TTN: variants seen among roughly 807,000 people sequenced by gnomAD.
TTN encodes the protein connectin.
A neutral mutation model predicts 3,223.0 loss-of-function variants in TTN; 1,525 were observed. The ratio of observed to expected loss-of-function variants is 0.47; its 90% CI spans 0.45 to 0.49. The LOEUF is 0.49. Ranked by LOEUF, TTN falls within the 20% of genes least tolerant of loss-of-function variation. The pLI, the probability that TTN is intolerant of heterozygous loss-of-function variation, is 0.00. For missense variants in TTN, 40,786 were observed against 43,424.0 expected (o/e 0.94, Z 5.40); for synonymous variants, 14,094 against 15,161.0 (o/e 0.93, Z 5.17).
rs760977473 is a variant in TTN, at chr2:178,652,760, C to T, written c.38960-24G>A. 1.4e-5 allele frequency: 22 copies of T among 1,610,072 alleles called. No homozygotes were observed. In the Admixed American group the frequency reaches 2.9e-4, roughly 21 times the overall value. On this transcript the variant is annotated intron_variant, in intron 200 of 362. Coordinates refer to ENST00000589042, the MANE Select transcript of TTN (RefSeq NM_001267550.2). The stretch of plus-strand genomic sequence containing the variant: ...TACTTAAAAGATATTAGTGAAATTA[C>T]ATTTAGGGGTTATGAAGACCACTAG...
chr2:178,674,988 T>C, intron 150 of TTN, 51 bp downstream of exon 150: 1 of 1,143,650 alleles, frequency 8.7e-7, no homozygotes, highest in Non-Finnish European at 1.2e-6. Context: ...TATTAGACAA[T>C]AATAAGACAA....
At chr2:178,709,966 C>A in intron 98 of TTN, 110 bp from the exon 99 acceptor site, 3 of 1,016,096 alleles carry the variant, frequency 3.0e-6, no homozygotes, top group Non-Finnish European at 4.2e-6. Context: ...CAAGGCTAAC[C>A]AACTAAATAC....
Position 178,591,811 on chromosome 2 carries a change from C to T in TTN, c.60008G>A (p.Arg20003His), listed in dbSNP as rs756091180. 39 of 1,613,156 alleles carry T rather than the reference C, an allele frequency of 2.4e-5. No individual in the cohort carries two copies. The highest frequency in any genetic ancestry group is 4.0e-5 in the African/African-American group (3 of 74,888). Residue 20003 changes from arginine (R) to histidine (H), a missense_variant, in exon 303 of 363, where the codon CGT becomes CAT. Physicochemically the swap from Arg to His is conservative, Grantham distance 29. Transcript: ENST00000589042. ...EVSLVWNKPD[R>H]DGGSPITGYL... ...TCCAGTGATTGGAGAACCACCATCACGATCCGGCTTATTCCAGACTAGGGA... is the reference window on the plus strand; with the variant it reads ...TCCAGTGATTGGAGAACCACCATCATGATCCGGCTTATTCCAGACTAGGGA...
At position 178,733,245 on chromosome 2, in the gene TTN, C is replaced by T. The variant is rs2080869284; in HGVS notation, c.16048G>A (p.Val5350Ile). ...ATTTTCTAAAAATACTAACCTAATA[C>T]AGTGAATGTAGTCTCACAGGAGCTG... ...GSSSCETTFT[V>I]LDRDIAPFFT... is the part of the protein sequence containing the mutation. The change falls in exon 54 of 363, where the codon GTA becomes ATA. Residue 5350 changes from valine (V) to isoleucine (I), a missense_variant. Physicochemically the swap from Val to Ile is conservative, Grantham distance 29 (BLOSUM62 3). Transcript: ENST00000589042. 1.3e-6 allele frequency: 2 copies of T among 1,596,258 alleles called. No individual in the cohort carries two copies. Among genetic ancestry groups the T allele is most frequent in the Admixed American group, 1.7e-5 (1 of 58,818 alleles).
chr2:178,752,529 G>A (rs565832271), intron 47 of TTN, among the ~76,000 whole-genome samples: 26 of 151,956 alleles, frequency 1.7e-4, no homozygotes, highest in Non-Finnish European at 3.7e-4. Flanking sequence ...GCGTTTATTC[G>A]AACTAATACA....
intron 119 of TTN, among the ~76,000 whole-genome samples, chr2:178,693,376 C>G (rs1246192001): frequency 6.6e-6 from 1 of 152,022 alleles, no homozygotes; most frequent in Non-Finnish European, 1.5e-5. Context: ...TAACAGGTTA[C>G]GAGATTGCAA....
At position 178,756,812 on chromosome 2, in the gene TTN, G is replaced by C; in HGVS notation, c.10679-15C>G. 6.2e-7 allele frequency: 1 copy of C among 1,602,504 alleles called. No homozygotes were observed. Among genetic ancestry groups the C allele is most frequent in the South Asian group, 1.1e-5 (1 of 88,960 alleles). On this transcript the variant is annotated splice_polypyrimidine_tract_variant and intron_variant, in intron 45 of 362. Transcript: ENST00000589042. ...TAGGGCTTGCACTGTATAATCAAGT[G>C]ACAAGAAAAAGAAAAGAATATTAAG...
Position 178,732,364 on chromosome 2 carries a change from G to C in TTN, c.16622-17C>G. ...TGGCAGGTTCTGTGGAAGGAAGGAA[G>C]TTATTAAGAAATGTGAGAAAGAGGA... On this transcript the variant is annotated splice_polypyrimidine_tract_variant and intron_variant, in intron 56 of 362. Transcript: ENST00000589042. The C allele has an allele frequency of 5.1e-6, 8 of 1,581,578 alleles. No individual in the cohort carries two copies. The highest frequency in any genetic ancestry group is 6.9e-6 in the Non-Finnish European group (8 of 1,164,300).
At chr2:178,667,170 T>G in intron 162 of TTN, 66 bp downstream of exon 162, 1 of 1,335,646 alleles carries the variant, frequency 7.5e-7, no homozygotes, top group Middle Eastern at 1.9e-4. Context: ...TATTAAACAT[T>G]AAATATTTTG....
Position 178,756,553 on chromosome 2 carries a change from A to G in TTN, c.10923T>C (p.Ile3641=). Reference sequence around the variant, plus strand: ...CCTTAGATAGCTCAGTGCTTTCTGCAATTTGTGAAAGGGATGCAGTATGGC... The same window carrying G: ...CCTTAGATAGCTCAGTGCTTTCTGCGATTTGTGAAAGGGATGCAGTATGGC... ...QLCHTASLSQ[I]AESTELSKEC... The change falls in exon 46 of 363, where the codon ATT becomes ATC. Residue 3641 remains isoleucine, a synonymous_variant. Coordinates refer to ENST00000589042, the MANE Select transcript of TTN (RefSeq NM_001267550.2). The G allele has an allele frequency of 6.2e-7, 1 of 1,611,600 alleles. No homozygotes were observed. Among genetic ancestry groups the G allele is most frequent in the South Asian group, 1.1e-5 (1 of 90,946 alleles).
chr2:178,694,874 T>C lies in TTN; in HGVS notation c.31303A>G (p.Lys10435Glu). The change falls in exon 116 of 363, where the codon AAG becomes GAG. Residue 10435 changes from lysine to glutamate, a missense_variant. Physicochemically the swap from Lys to Glu is moderately conservative, Grantham distance 56. Transcript: ENST00000589042. The stretch of plus-strand genomic sequence containing the variant: ...TCTTCCTCCATTCTTCGAGAAGTCT[T>C]TTCAATTTTTTCAATTACTGGCTTC... The part of the protein sequence containing the change: ...IKKPVIEKIE[K>E]TSRRMEEEKV... 2 of 1,557,210 alleles carry C rather than the reference T, an allele frequency of 1.3e-6. No homozygotes were observed. Among genetic ancestry groups the C allele is most frequent in the Non-Finnish European group, 8.7e-7 (1 of 1,149,062 alleles).
chr2:178,779,373 T>A lies in TTN; in HGVS notation c.3819A>T (p.Glu1273Asp). Residue 1273 changes from glutamate (E) to aspartate (D), a missense_variant, in exon 23 of 363, where the codon GAA (glutamate) becomes GAT (aspartate). Coordinates refer to ENST00000589042, the MANE Select transcript of TTN (RefSeq NM_001267550.2). ...IKTTLEELLE[E>D]DGEEKMAVDI... Reference sequence around the variant, plus strand: ...CAACTGCCATCTTTTCTTCTCCATCTTCTTCAAGAAGTTCTTCTAATGTAG... The same window carrying A: ...CAACTGCCATCTTTTCTTCTCCATCATCTTCAAGAAGTTCTTCTAATGTAG... 6.2e-7 allele frequency: 1 copy of A among 1,607,662 alleles called. No individual in the cohort carries two copies. The highest frequency in any genetic ancestry group is 8.5e-7 in the Non-Finnish European group (1 of 1,174,420).
intron 48 of TTN, among the ~76,000 whole-genome samples, chr2:178,738,661 A>C (rs2081953981): frequency 6.6e-6 from 1 of 152,178 alleles, no homozygotes; most frequent in Non-Finnish European, 1.5e-5. Context: ...ACCATGCTGA[A>C]TGGGAACACT....
At position 178,572,714 on chromosome 2, in the gene TTN, G is replaced by T. The variant is rs763682152; in HGVS notation, c.73418C>A (p.Ala24473Asp). Residue 24473 changes from alanine to aspartate, a missense_variant, in exon 326 of 363, where the codon GCT (alanine) becomes GAT (aspartate). By Grantham distance (126) the Ala-to-Asp change is moderately radical (BLOSUM62 -2). Transcript: ENST00000589042. ...GTAAGAGCTTGTGGATTCGATGCTA[G>T]CTTTATCTAAAGATTCTCCATGGTC... ...ARDHGESLDK[A>D]SIESTSSYTL... is the part of the protein sequence containing the mutation. 2 of 1,613,336 alleles carry T rather than the reference G, an allele frequency of 1.2e-6. No individual in the cohort carries two copies. The highest frequency in any genetic ancestry group is 2.2e-5 in the South Asian group (2 of 91,070).
chr2:178,619,541 A>T, intron 250 of TTN, 80 bp downstream of exon 250: 1 of 1,547,208 alleles, frequency 6.5e-7, no homozygotes, highest in Non-Finnish European at 8.7e-7. Flanking sequence ...CCTCACAAGG[A>T]TTACCTCATT....
intron 101 of TTN, 54 bp downstream of exon 101, chr2:178,706,808 A>G (rs1229834747): frequency 1.3e-6 from 2 of 1,597,516 alleles, no homozygotes; most frequent in South Asian, 1.1e-5. Flanking sequence ...AAATTAAATC[A>G]TAAGTAAAAG....
rs758953324 is a variant in TTN, at chr2:178,804,573, T to G, written c.70A>C (p.Thr24Pro). 5.6e-6 allele frequency: 9 copies of G among 1,613,576 alleles called. No individual in the cohort carries two copies. The South Asian group carries it at 9.9e-5, about 18-fold the overall frequency. Residue 24 changes from threonine to proline, a missense_variant, in exon 2 of 363, where the codon ACC becomes CCC. By Grantham distance (38) the Thr-to-Pro change is conservative (BLOSUM62 -1). Coordinates refer to ENST00000589042, the MANE Select transcript of TTN (RefSeq NM_001267550.2). ...TTACCACTAATGTGAGCCTCAAAGG[T>G]TGCGGTACTACCCTCCAGTACCACA... Reference protein sequence around the residue: ...SVVVLEGSTATFEAHISGFPV... With the variant: ...SVVVLEGSTAPFEAHISGFPV...
chr2:178,759,112 A>T lies in TTN; in HGVS notation c.10175T>A (p.Met3392Lys). 1.9e-6 allele frequency: 3 copies of T among 1,614,052 alleles called. No homozygotes were observed. Among genetic ancestry groups the T allele is most frequent in the Non-Finnish European group, 2.5e-6 (3 of 1,179,966 alleles). The change falls in exon 44 of 363, where the codon ATG (methionine) becomes AAG (lysine). Residue 3392 changes from methionine (M) to lysine (K), a missense_variant. Transcript: ENST00000589042. Reference protein sequence around the residue: ...KKIKPSRFFRMTQFEDTYQLE... With the variant: ...KKIKPSRFFRKTQFEDTYQLE... ...TTGATAAGTGTCTTCAAATTGAGTC[A>T]TTCTAAAGAACCGAGATGGCTTGAT...
In TTN at chr2:178,569,932, A is replaced by C; in HGVS notation, c.76200T>G (p.Cys25400Trp). The C allele has an allele frequency of 2.5e-6, 4 of 1,613,094 alleles. No homozygotes were observed. The highest frequency in any genetic ancestry group is 3.4e-6 in the Non-Finnish European group (4 of 1,179,438). The change falls in exon 326 of 363, where the codon TGT (cysteine) becomes TGG (tryptophan). Residue 25400 changes from cysteine to tryptophan, a missense_variant. Coordinates refer to ENST00000589042, the MANE Select transcript of TTN (RefSeq NM_001267550.2). ...PSPPSAYQKA[C>W]DPIYKPGPPN... ...GGGGTCCTGGTTTATAAATAGGATC[A>C]CAAGCCTTTTGGTAAGCAGAAGGAG... is the stretch of plus-strand genomic sequence containing the variant.
Sources: allele counts gnomAD v4.1 joint callset (sites outside exome capture counted in the v4.1 genomes callset), GRCh38; gene constraint gnomAD v4.1.1; transcripts MANE v1.5; gene names NCBI Gene and HGNC (gene_info 2026-07-23, HGNC 2026-07-21).